The following CPED1 variants were observed in gnomAD, a reference collection of about 807,000 sequenced individuals.
CPED1 encodes cadherin-like and PC-esterase domain-containing protein 1.
CPED1 carries 114 observed loss-of-function variants against 128.2 expected under a neutral mutation model. That is an observed-to-expected ratio of 0.89 (90% CI 0.76 to 1.04). The LOEUF is 1.04. Ranked by LOEUF, CPED1 falls within the 50% of genes least tolerant of loss-of-function variation. CPED1 has a pLI of 0.00. For synonymous variants in CPED1, 462 were observed against 426.7 expected (o/e 1.08, Z -1.02); for missense variants, 1,211 against 1,207.1 (o/e 1.00, Z -0.05).
intron 16 of CPED1, among the ~76,000 whole-genome samples, chr7:121,173,657 T>C (rs1012694820): frequency 6.6e-6 from 1 of 152,150 alleles, no homozygotes; most frequent in African/African-American, 2.4e-5. Context: ...GTGGACTCCA[T>C]GTCATTGCTG....
At chr7:121,274,236 G>T (rs889057520) in intron 22 of CPED1, among the ~76,000 whole-genome samples, 1 of 152,022 alleles carries the variant, frequency 6.6e-6, no homozygotes, top group African/African-American at 2.4e-5. Flanking sequence ...CACATTAATA[G>T]CCATGGTATT....
At chr7:121,054,398 A>G (rs1458296625) in intron 4 of CPED1, among the ~76,000 whole-genome samples, 1 of 152,184 alleles carries the variant, frequency 6.6e-6, no homozygotes, top group Non-Finnish European at 1.5e-5. Context: ...TAACCCTAGC[A>G]TACCCATACA....
chr7:121,111,579 A>G (rs1044244956), intron 7 of CPED1, among the ~76,000 whole-genome samples: 3 of 152,212 alleles, frequency 2.0e-5, no homozygotes, highest in Non-Finnish European at 4.4e-5. Flanking sequence ...ATGCTTAGGA[A>G]AATGCTCACC....
At position 121,109,186 on chromosome 7, in the gene CPED1, G is replaced by T. The variant is rs1795048550; in HGVS notation, c.918+9092G>T. Among the ~76,000 whole-genome samples the T allele has an allele frequency of 2.0e-5, 3 of 152,076 alleles. No individual in the cohort carries two copies. In the South Asian group the frequency reaches 6.2e-4, roughly 31 times the overall value. The stretch of plus-strand genomic sequence containing the variant: ...TGAGTGCTACTGAGGCAGCAGAAAT[G>T]GATTCTCTCCCAGGACTCTTCAGAT... On this transcript the variant is annotated intron_variant, in intron 7 of 22. Transcript: ENST00000310396.
At chr7:121,129,309 ATACG>A (rs1355463644) in intron 11 of CPED1, among the ~76,000 whole-genome samples, 208 of 4,286 alleles carry the variant, frequency 0.049, no homozygotes, top group Admixed American at 0.067. Flanking sequence ...ATATATATAT[ATACG>A]TATATATATA....
At chr7:121,147,355 T>C (rs968684157) in intron 16 of CPED1, among the ~76,000 whole-genome samples, 1 of 152,150 alleles carries the variant, frequency 6.6e-6, no homozygotes, top group South Asian at 2.1e-4. Context: ...GAAAAGATCA[T>C]TAATGAAACA....
intron 16 of CPED1, among the ~76,000 whole-genome samples, chr7:121,218,831 T>A (rs1563069137): frequency 6.6e-6 from 1 of 152,054 alleles, no homozygotes. Context: ...GTTCTAAACA[T>A]GTATCCCAGA....
At chr7:121,002,945 T>C (rs1250953557) in intron 2 of CPED1, among the ~76,000 whole-genome samples, 1 of 152,218 alleles carries the variant, frequency 6.6e-6, no homozygotes, top group South Asian at 2.1e-4. Flanking sequence ...AACCATACCC[T>C]GTGACATCTA....
At chr7:121,245,518 G>T (rs1214644090) in intron 18 of CPED1, among the ~76,000 whole-genome samples, 1 of 152,136 alleles carries the variant, frequency 6.6e-6, no homozygotes, top group Non-Finnish European at 1.5e-5. Flanking sequence ...CATAATTTTT[G>T]ACGCAGAATA....
intron 16 of CPED1, among the ~76,000 whole-genome samples, chr7:121,199,082 T>G (rs1344872613): frequency 6.6e-6 from 1 of 152,134 alleles, no homozygotes; most frequent in Admixed American, 6.5e-5. Context: ...TAATGATTGC[T>G]TTGAAATAGG....
In CPED1 at chr7:121,267,321, G is replaced by A. The variant is rs577919074; in HGVS notation, c.2721+19G>A. ...AACACAGGTAAGCACATTTCCTCTGGGCTAGGTGAATTTCATGATTCCTAT... is the reference window on the plus strand; with the variant it reads ...AACACAGGTAAGCACATTTCCTCTGAGCTAGGTGAATTTCATGATTCCTAT... On this transcript the variant is annotated intron_variant, in intron 21 of 22. Transcript: ENST00000310396. 2.1e-6 allele frequency: 3 copies of A among 1,443,120 alleles called. No homozygotes were observed. The highest frequency in any genetic ancestry group is 1.2e-5 in the South Asian group (1 of 80,474). 89.4% of individuals were successfully genotyped at this position (1,443,120 alleles called of 1,614,324 possible). A position where few individuals can be genotyped will look rare whatever the true frequency, so the allele number is the denominator to read the frequency against.
At chr7:120,994,633 G>C (rs1047432426) in intron 2 of CPED1, among the ~76,000 whole-genome samples, 1 of 137,666 alleles carries the variant, frequency 7.3e-6, no homozygotes, top group Admixed American at 7.0e-5. Flanking sequence ...TACTGTGTGT[G>C]TGTGTGTGTG....
chr7:121,125,900 T>C lies in CPED1; in HGVS notation c.1134+8T>C, dbSNP rs798949. The C allele has an allele frequency of 0.46, 736,338 of 1,589,932 alleles. 177,706 individuals carry two copies. The highest frequency in any genetic ancestry group is 0.85 in the East Asian group (37,880 of 44,708). On this transcript the variant is annotated splice_region_variant and intron_variant, in intron 9 of 22. Coordinates refer to ENST00000310396, the MANE Select transcript of CPED1 (RefSeq NM_024913.5). Reference sequence around the variant, plus strand: ...TACCCTGTAGTGCTCCAGGTCAGTATGCCAAAGGCCTCATGTGAGCTTCTA... The same window carrying C: ...TACCCTGTAGTGCTCCAGGTCAGTACGCCAAAGGCCTCATGTGAGCTTCTA...
At chr7:121,085,771 T>A (rs1380059680) in intron 5 of CPED1, among the ~76,000 whole-genome samples, 1 of 152,218 alleles carries the variant, frequency 6.6e-6, no homozygotes, top group Non-Finnish European at 1.5e-5. Context: ...CATCTTGTCA[T>A]CTCTCATTGA....
rs7809843 is a variant in CPED1, at chr7:121,138,899, T to A, written c.1700-1928T>A. Among the ~76,000 whole-genome samples the A allele has an allele frequency of 7.8e-3, 1,190 of 152,112 alleles. 11 individuals carry two copies. Among genetic ancestry groups the A allele is most frequent in the African/African-American group, 0.026 (1,075 of 41,522 alleles). On this transcript the variant is annotated intron_variant, in intron 14 of 22. Coordinates refer to ENST00000310396, the MANE Select transcript of CPED1 (RefSeq NM_024913.5). ...AGCCATTTGAATCAAACCTCATGAT[T>A]AATAATATCCTGTTTTTATTGTGCT...
intron 3 of CPED1, among the ~76,000 whole-genome samples, chr7:121,041,732 C>T (rs929508280): frequency 1.3e-5 from 2 of 152,098 alleles, no homozygotes; most frequent in African/African-American, 4.8e-5. Flanking sequence ...CCAAACAAAA[C>T]AAAAACCTCT....
chr7:121,152,035 A>T (rs886148120), intron 16 of CPED1, among the ~76,000 whole-genome samples: 14 of 152,210 alleles, frequency 9.2e-5, no homozygotes, highest in Non-Finnish European at 5.9e-5. Flanking sequence ...ACTTCTTTTG[A>T]AAATGATGCT....
At chr7:121,018,020 A>G (rs1792343860) in intron 3 of CPED1, among the ~76,000 whole-genome samples, 2 of 152,172 alleles carry the variant, frequency 1.3e-5, no homozygotes, top group Admixed American at 6.6e-5. Context: ...TTATTACTGG[A>G]CAGGTCTCAA....
At chr7:121,152,692 T>G (rs938282016) in intron 16 of CPED1, among the ~76,000 whole-genome samples, 1 of 152,230 alleles carries the variant, frequency 6.6e-6, no homozygotes, top group Non-Finnish European at 1.5e-5. Context: ...ATAAAATATG[T>G]CTTCAGATTG....
Sources: gnomAD v4.1 joint callset for allele counts (sites outside exome capture counted in the v4.1 genomes callset) on GRCh38, gnomAD v4.1.1 for gene constraint, MANE v1.5 for transcripts, NCBI Gene and HGNC (gene_info 2026-07-23, HGNC 2026-07-21) for gene names.